The following ESYT1 variants were observed in gnomAD, a reference collection of about 807,000 sequenced individuals.
The protein encoded by ESYT1 is extended synaptotagmin-1.
Under a neutral mutation model 154.2 loss-of-function variants are expected in ESYT1, and 116 were observed. The observed-to-expected ratio is 0.75, with a 90% CI of 0.65 to 0.88. The LOEUF is 0.88. Ranked by LOEUF, ESYT1 falls within the 40% of genes least tolerant of loss-of-function variation. ESYT1 has a pLI of 0.00. For missense variants in ESYT1, 1,264 were observed against 1,379.3 expected, an observed-to-expected ratio of 0.92 and a Z score of 1.32; for synonymous variants, 500 against 539.9, an observed-to-expected ratio of 0.93 and a Z score of 1.02.
At chr12:56,143,174 G>C in intron 28 of ESYT1, 26 bp downstream of exon 28, 1 of 1,614,204 alleles carries the variant, frequency 6.2e-7, no homozygotes. Flanking sequence ...TTCAGGTGGA[G>C]AGATGGCAGG....
At chr12:56,133,292 G>A (rs1264011175) in intron 10 of ESYT1, 125 bp from the exon 11 acceptor site, 9 of 982,352 alleles carry the variant, frequency 9.2e-6, no homozygotes, top group Non-Finnish European at 8.1e-6. Context: ...TCTTCTGAGA[G>A]GAATAAGGGA....
intron 2 of ESYT1, 54 bp downstream of exon 2, chr12:56,130,677 C>T: frequency 3.7e-6 from 6 of 1,613,586 alleles, no homozygotes; most frequent in Non-Finnish European, 4.2e-6. Flanking sequence ...GAATTTGTTT[C>T]TTCTTGCCAG....
At chr12:56,134,582 A>G (rs1335424878) in intron 15 of ESYT1, among the ~76,000 whole-genome samples, 154 bp downstream of exon 15, 1 of 149,494 alleles carries the variant, frequency 6.7e-6, no homozygotes, top group African/African-American at 2.5e-5. Context: ...TTGTTCCCCA[A>G]CTGTCGCTCC....
intron 24 of ESYT1, among the ~76,000 whole-genome samples, chr12:56,139,773 A>C (rs1347789763): frequency 6.6e-6 from 1 of 151,328 alleles, no homozygotes; most frequent in Non-Finnish European, 1.5e-5. Flanking sequence ...TTTTTAGTAG[A>C]GACGGGGTTT....
At position 56,142,699 on chromosome 12, in the gene ESYT1, C is replaced by T. The variant is rs751845081; in HGVS notation, c.2855C>T (p.Pro952Leu). Residue 952 changes from proline (P) to leucine (L), a missense_variant, in exon 26 of 31, where the codon CCA (proline) becomes CTA (leucine). Coordinates refer to ENST00000394048, the MANE Select transcript of ESYT1 (RefSeq NM_015292.3). The surrounding 1 kb of genome is among the most constrained non-coding windows in gnomAD (Gnocchi z 4.1). ...GGPPHITSSAPELRQRLTHVD... is the reference protein window; with the variant it reads ...GGPPHITSSALELRQRLTHVD... ...CCCCCTCACATCACCTCCTCAGCCC[C>T]AGAGCTCCGGCAGCGCCTAACACAT... 1.2e-6 allele frequency: 2 copies of T among 1,614,018 alleles called. No individual in the cohort carries two copies. The highest frequency in any genetic ancestry group is 1.7e-6 in the Non-Finnish European group (2 of 1,180,038).
chr12:56,140,378 T>C (rs1317075476), intron 24 of ESYT1, among the ~76,000 whole-genome samples: 3 of 151,952 alleles, frequency 2.0e-5, no homozygotes, highest in Admixed American at 2.0e-4. Context: ...TATTTATTAT[T>C]TTTTTGAAAC....
At position 56,143,317 on chromosome 12, in the gene ESYT1, G is replaced by T. The variant is rs371562380; in HGVS notation, c.3209G>T (p.Arg1070Leu). The change falls in exon 29 of 31, where the codon CGT becomes CTT. Residue 1070 changes from arginine to leucine, a missense_variant. Arg to Leu is a moderately radical substitution (Grantham distance 102). Transcript: ENST00000394048. ...KSNSSFMSRE[R>L]ELLGKVQLDL... Reference sequence around the variant, plus strand: ...AATTCCTCCTTCATGTCAAGAGAGCGTGAGCTGCTGGGGAAGGTAAGAGGG... The same window carrying T: ...AATTCCTCCTTCATGTCAAGAGAGCTTGAGCTGCTGGGGAAGGTAAGAGGG... 1 of 1,614,094 alleles carries T rather than the reference G, an allele frequency of 6.2e-7. No homozygotes were observed. The highest frequency in any genetic ancestry group is 8.5e-7 in the Non-Finnish European group (1 of 1,180,008).
intron 18 of ESYT1, 49 bp from the exon 19 acceptor site, chr12:56,137,783 G>T: frequency 6.2e-7 from 1 of 1,612,076 alleles, no homozygotes; most frequent in Non-Finnish European, 8.5e-7. Flanking sequence ...CCAGTCATTT[G>T]CAGAGGAAAA....
At position 56,133,805 on chromosome 12, in the gene ESYT1, TC is replaced by T; in HGVS notation, c.1407del (p.Ser470LeufsTer11). 2 of 1,614,160 alleles carry T rather than the reference TC, an allele frequency of 1.2e-6. No individual in the cohort carries two copies. The highest frequency in any genetic ancestry group is 1.7e-6 in the Non-Finnish European group (2 of 1,180,024). Reference sequence around the variant, plus strand: ...GGTTCTACAGTGGAATTGGGGAGTCTCCTCTCGACCAGATCCCCCGTCAGCT... The same window carrying T: ...GGTTCTACAGTGGAATTGGGGAGTCTCTCTCGACCAGATCCCCCGTCAGCT... ...EQVLQWNWGV[S>X]SRPDPPSAAI... On this transcript the variant is annotated frameshift_variant, in exon 13 of 31. Coordinates refer to ENST00000394048, the MANE Select transcript of ESYT1 (RefSeq NM_015292.3). LOFTEE classifies it high-confidence loss of function.
rs558208023 is a variant in ESYT1, at chr12:56,140,770, A to C, written c.2593-1515A>C. Among the ~76,000 whole-genome samples the C allele has an allele frequency of 1.3e-4, 20 of 152,312 alleles. No homozygotes were observed. In the South Asian group the frequency reaches 3.9e-3, roughly 30 times the overall value. The stretch of plus-strand genomic sequence containing the variant: ...GAGAGGGACAACACTGGGGGCAGGG[A>C]GATCAGTGAGGAGACTGTTAGAGCA... On this transcript the variant is annotated intron_variant, in intron 24 of 30. Coordinates refer to ENST00000394048, the MANE Select transcript of ESYT1 (RefSeq NM_015292.3).
intron 29 of ESYT1, 28 bp downstream of exon 29, chr12:56,143,361 G>A (rs745853725): frequency 6.2e-7 from 1 of 1,608,420 alleles, no homozygotes; most frequent in Non-Finnish European, 8.5e-7. Context: ...CAGGGCAGAG[G>A]TGAGGGCTGG....
rs375167071 is a variant in ESYT1, at chr12:56,137,223, G to A, written c.1788G>A (p.Leu596=). Residue 596 remains leucine (L), a synonymous_variant, in exon 17 of 31, where the codon CTG becomes CTA. Coordinates refer to ENST00000394048, the MANE Select transcript of ESYT1 (RefSeq NM_015292.3). ...RLYMKLVMRI[L]YLDSSEICFP... is the part of the protein sequence containing the mutation. ...CATCATACTACCCTTCCTAGATCCT[G>A]TACTTGGATTCATCAGAAATATGCT... The A allele has an allele frequency of 2.5e-6, 4 of 1,614,034 alleles. No homozygotes were observed. Among genetic ancestry groups the A allele is most frequent in the African/African-American group, 1.3e-5 (1 of 74,912 alleles).
rs373159607 is a variant in ESYT1, at chr12:56,143,674, G to A, written c.3275+45G>A. On this transcript the variant is annotated intron_variant, in intron 30 of 30. Transcript: ENST00000394048. Reference sequence around the variant, plus strand: ...GGGGATGGTCTGGATATTTCAGTGGGAGAAATTCCAATCACAGGAAAGGAA... The same window carrying A: ...GGGGATGGTCTGGATATTTCAGTGGAAGAAATTCCAATCACAGGAAAGGAA... 7 of 1,613,056 alleles carry A rather than the reference G, an allele frequency of 4.3e-6. No homozygotes were observed. In the African/African-American group the frequency reaches 9.3e-5, roughly 22 times the overall value.
Position 56,142,277 on chromosome 12 carries a change from C to A in ESYT1, c.2593-8C>A. On this transcript the variant is annotated splice_polypyrimidine_tract_variant and splice_region_variant and intron_variant, in intron 24 of 30. Transcript: ENST00000394048. The surrounding 1 kb of genome is among the most constrained non-coding windows in gnomAD (Gnocchi z 4.1). Reference sequence around the variant, plus strand: ...TCGCCTCTTGATCATGGTCCTGTTGCCCCACAGGTTCGGGGTGAGGGCACT... The same window carrying A: ...TCGCCTCTTGATCATGGTCCTGTTGACCCACAGGTTCGGGGTGAGGGCACT... 6.2e-7 allele frequency: 1 copy of A among 1,613,372 alleles called. No homozygotes were observed. The highest frequency in any genetic ancestry group is 1.1e-5 in the South Asian group (1 of 91,002).
Position 56,130,776 on chromosome 12 carries a change from T to A in ESYT1, c.433-15T>A, listed in dbSNP as rs201555190. 2.7e-5 allele frequency: 44 copies of A among 1,613,680 alleles called. No homozygotes were observed. In the African/African-American group the frequency reaches 5.5e-4, roughly 20 times the overall value. On this transcript the variant is annotated splice_polypyrimidine_tract_variant and intron_variant, in intron 2 of 30. Coordinates refer to ENST00000394048, the MANE Select transcript of ESYT1 (RefSeq NM_015292.3). The stretch of plus-strand genomic sequence containing the variant: ...AAGACTGGACTCTCCTCTGACCATC[T>A]CTCTTTCCTCCCAGATTGTGGCCCA...
In ESYT1 at chr12:56,137,919, G is replaced by A. The variant is rs773802596; in HGVS notation, c.2198+5G>A. ...CAAGGATGATTTTCTGGGCAGGTGA[G>A]AGCATAGGAGTCTACGTGAAAAACA... On this transcript the variant is annotated splice_donor_5th_base_variant and intron_variant, in intron 19 of 30. Coordinates refer to ENST00000394048, the MANE Select transcript of ESYT1 (RefSeq NM_015292.3). 6.2e-6 allele frequency: 10 copies of A among 1,614,210 alleles called. 1 individual carries two copies. Among genetic ancestry groups the A allele is most frequent in the Middle Eastern group, 3.3e-4 (2 of 6,062 alleles).
rs1870514902 is a variant in ESYT1, at chr12:56,137,585, C to T, written c.2025C>T (p.Asp675=). ...FLGGLVKGKS[D]PYVKLKLAGR... ...GGGGACTGGTGAAGGGCAAGTCAGA[C>T]CCCTATGTCAAACTAAAGTTGGCAG... Residue 675 remains aspartate, a synonymous_variant, in exon 18 of 31, where the codon GAC becomes GAT. Coordinates refer to ENST00000394048, the MANE Select transcript of ESYT1 (RefSeq NM_015292.3). 1 of 1,614,168 alleles carries T rather than the reference C, an allele frequency of 6.2e-7. No individual in the cohort carries two copies. Among genetic ancestry groups the T allele is most frequent in the Non-Finnish European group, 8.5e-7 (1 of 1,180,016 alleles).
At chr12:56,132,911 G>C in intron 10 of ESYT1, 110 bp downstream of exon 10, 1 of 868,264 alleles carries the variant, frequency 1.2e-6, no homozygotes, top group Non-Finnish European at 1.9e-6. Flanking sequence ...ACGAGGTCAG[G>C]AGATTGAGAC....
Position 56,143,859 on chromosome 12 carries a change from C to T in ESYT1, c.3312C>T (p.Ser1104=). The T allele has an allele frequency of 6.2e-7, 1 of 1,613,926 alleles. No individual in the cohort carries two copies. Among genetic ancestry groups the T allele is most frequent in the Non-Finnish European group, 8.5e-7 (1 of 1,179,904 alleles). The change falls in exon 31 of 31, where the codon TCC becomes TCT. Residue 1104 remains serine, a synonymous_variant. Transcript: ENST00000394048. ...DLMDNKDKGS[S] is the part of the protein sequence containing the mutation. ...TGGACAACAAGGACAAGGGCAGCTCCTAGGAGCTGGCGAGTCCCAGCCTGA... is the reference window on the plus strand; with the variant it reads ...TGGACAACAAGGACAAGGGCAGCTCTTAGGAGCTGGCGAGTCCCAGCCTGA...
Sources: allele counts gnomAD v4.1 joint callset (sites outside exome capture counted in the v4.1 genomes callset), GRCh38; gene constraint gnomAD v4.1.1; non-coding constraint Gnocchi (gnomAD v3.1); transcripts MANE v1.5; gene names NCBI Gene and HGNC (gene_info 2026-07-23, HGNC 2026-07-21).